Variants in RHBDD1 observed in about 807,000 individuals in gnomAD.
The protein encoded by RHBDD1 is rhomboid domain containing 1.
RHBDD1 carries 38 observed loss-of-function variants against 36.3 expected under a neutral mutation model. The observed-to-expected ratio is 1.05, with a 90% CI of 0.81 to 1.37. The LOEUF (loss-of-function observed/expected upper bound fraction) is 1.37. Ranked by LOEUF, RHBDD1 falls within the 40% of genes most tolerant of loss-of-function variation. The probability of loss-of-function intolerance (pLI) is 0.00; values close to 1 mark genes in which losing one functional copy is unlikely to be tolerated. For missense variants in RHBDD1, 393 were observed against 377.6 expected, an observed-to-expected ratio of 1.04 and a Z score of -0.34; for synonymous variants, 151 against 136.5, an observed-to-expected ratio of 1.11 and a Z score of -0.74.
the RHBDD1 span, among the ~76,000 whole-genome samples, chr2:226,802,046 A>G: frequency 1.6e-4 from 25 of 152,126 alleles, no homozygotes; most frequent in Non-Finnish European, 2.9e-4. Flanking sequence ...AAAAAGCTAA[A>G]TAAAGGTACT....
intron 3 of RHBDD1, among the ~76,000 whole-genome samples, chr2:226,841,065 C>T (rs1362769117): frequency 1.3e-5 from 2 of 152,006 alleles, no homozygotes; most frequent in African/African-American, 2.4e-5. Flanking sequence ...CCCATGTAGT[C>T]GCCCTCATCC....
At position 226,995,632 on chromosome 2, in the gene RHBDD1, G is replaced by A. The variant is rs1959178925; in HGVS notation, c.*110G>A. 1.2e-5 allele frequency: 9 copies of A among 774,640 alleles called. No individual in the cohort carries two copies. Among genetic ancestry groups the A allele is most frequent in the Admixed American group, 1.1e-4 (5 of 45,862 alleles). The allele number at this position is 774,640 out of a possible 1,614,324, so 48.0% of individuals were successfully genotyped here. Reference sequence around the variant, plus strand: ...ATTTTAAACAAAAGCAGAGTACACCGGTATTGCTCCAGATCGCTCACATCA... The same window carrying A: ...ATTTTAAACAAAAGCAGAGTACACCAGTATTGCTCCAGATCGCTCACATCA... On this transcript the variant is annotated 3_prime_UTR_variant, in exon 9 of 9. Transcript: ENST00000392062.
rs139799015 is a variant in RHBDD1, at chr2:226,865,034, T to G, written c.341T>G (p.Leu114Arg). ...TATGTTATCACCGCATTTTCTGTAC[T>G]TACTGGAGTGGTATACCTGCTCTTG... ...FAYVITAFSV[L>R]TGVVYLLLQF... The change falls in exon 4 of 9, where the codon CTT becomes CGT. Residue 114 changes from leucine to arginine, a missense_variant. Coordinates refer to ENST00000392062, the MANE Select transcript of RHBDD1 (RefSeq NM_001167608.3). 3.7e-5 allele frequency: 59 copies of G among 1,614,116 alleles called. No homozygotes were observed. Among genetic ancestry groups the G allele is most frequent in the Non-Finnish European group, 4.7e-5 (56 of 1,180,044 alleles).
At chr2:226,839,388 C>G (rs1373772673) in intron 2 of RHBDD1, 21 bp from the exon 3 acceptor site, 4 of 151,928 alleles carry the variant, frequency 2.6e-5, no homozygotes, top group Admixed American at 6.6e-5. Context: ...AAGCAATGGA[C>G]CTCATATTTT....
At chr2:226,881,236 C>T (rs1187734831) in intron 5 of RHBDD1, among the ~76,000 whole-genome samples, 1 of 152,320 alleles carries the variant, frequency 6.6e-6, no homozygotes, top group Admixed American at 6.5e-5. Context: ...TCTCCCTTGA[C>T]ACTTGGGGAT....
intron 7 of RHBDD1, among the ~76,000 whole-genome samples, chr2:226,911,339 T>C (rs1187572818): frequency 2.6e-5 from 4 of 152,128 alleles, no homozygotes; most frequent in African/African-American, 9.7e-5. Context: ...CCCAATATAC[T>C]TTTTGTATTC....
At chr2:226,923,451 T>A (rs973674972) in intron 8 of RHBDD1, among the ~76,000 whole-genome samples, 1 of 152,172 alleles carries the variant, frequency 6.6e-6, no homozygotes, top group Non-Finnish European at 1.5e-5. Flanking sequence ...TATCCTTTCT[T>A]TTTCCTTGAC....
At chr2:226,873,779 A>G (rs930268545) in intron 5 of RHBDD1, among the ~76,000 whole-genome samples, 2 of 152,176 alleles carry the variant, frequency 1.3e-5, no homozygotes, top group Non-Finnish European at 2.9e-5. Context: ...CTATGATGGT[A>G]TGAAATTGAG....
chr2:226,825,985 C>T, the RHBDD1 span, among the ~76,000 whole-genome samples: 507 of 152,236 alleles, frequency 3.3e-3, 5 homozygotes, highest in African/African-American at 0.012. Context: ...AATGGATTAT[C>T]GTTTTTAGCT....
At chr2:226,888,697 T>C (rs1263846640) in intron 5 of RHBDD1, among the ~76,000 whole-genome samples, 1 of 152,236 alleles carries the variant, frequency 6.6e-6, no homozygotes, top group East Asian at 1.9e-4. Flanking sequence ...TGTACATTTC[T>C]TTCTTTGCCA....
Position 226,854,601 on chromosome 2 carries a change from G to GAAAA in RHBDD1, c.-90-9988_-90-9985dup, listed in dbSNP as rs34985443. Reference sequence around the variant, plus strand: ...GGGTGACAGAGCCAGACTCTGTTTCGAAAAAAAAAAAAAAAAAAGGCGCTT... The same window carrying GAAAA: ...GGGTGACAGAGCCAGACTCTGTTTCGAAAAAAAAAAAAAAAAAAAAAAGGCGCTT... On this transcript the variant is annotated intron_variant, in intron 3 of 8. Transcript: ENST00000392062. 2.9e-3 allele frequency among the ~76,000 whole-genome samples: 240 copies of GAAAA among 83,644 alleles called. 9 individuals are homozygous for GAAAA. The highest frequency in any genetic ancestry group is 8.1e-3 in the African/African-American group (201 of 24,728). The allele number at this position is 83,644 out of a possible 152,430, so 54.9% of individuals were successfully genotyped here.
chr2:226,982,156 G>C (rs535992456), intron 8 of RHBDD1, among the ~76,000 whole-genome samples: 2 of 152,366 alleles, frequency 1.3e-5, no homozygotes, highest in East Asian at 3.9e-4. Flanking sequence ...GGGCTGGGAG[G>C]TTCCCAGTGA....
intron 8 of RHBDD1, among the ~76,000 whole-genome samples, chr2:226,952,454 C>T (rs548497013): frequency 4.6e-5 from 7 of 152,142 alleles, no homozygotes; most frequent in African/African-American, 7.2e-5. Context: ...CATGCCACCA[C>T]GCCCAGCTAA....
intron 8 of RHBDD1, among the ~76,000 whole-genome samples, chr2:226,962,776 ATTTTAATGCC>A (rs1370966586): frequency 2.0e-5 from 3 of 152,204 alleles, no homozygotes; most frequent in Non-Finnish European, 4.4e-5. Context: ...GTTTCTACCT[ATTTTAATGCC>A]TTTTCTGAAA....
In RHBDD1 at chr2:226,869,148, C is replaced by T. The variant is rs1944575644; in HGVS notation, c.566+1830C>T. On this transcript the variant is annotated intron_variant, in intron 5 of 8. Transcript: ENST00000392062. ...TATGCATTTCATTTTTTAGGGTTCCCCCCAACTTACATGGAAAAGGGATGG... is the reference window on the plus strand; with the variant it reads ...TATGCATTTCATTTTTTAGGGTTCCTCCCAACTTACATGGAAAAGGGATGG... The T allele has an allele frequency of 1.3e-5, 13 of 984,566 alleles. No homozygotes were observed. In the Admixed American group the frequency reaches 6.8e-4, roughly 51 times the overall value. 61.0% of individuals were successfully genotyped at this position (984,566 alleles called of 1,614,324 possible). A position where few individuals can be genotyped will look rare whatever the true frequency, so the allele number is the denominator to read the frequency against.
intron 3 of RHBDD1, among the ~76,000 whole-genome samples, chr2:226,859,882 A>G (rs1943687768): frequency 6.6e-6 from 1 of 152,222 alleles, no homozygotes; most frequent in Non-Finnish European, 1.5e-5. Flanking sequence ...GCAGTGGTGG[A>G]AAATAGTTAG....
At chr2:226,833,712 A>G (rs764125626), upstream of RHBDD1, among the ~76,000 whole-genome samples, 16 of 152,222 alleles carry the variant, frequency 1.1e-4, no homozygotes, top group Non-Finnish European at 2.1e-4. Flanking sequence ...GTGATTACGT[A>G]TATTTTAAGT....
At chr2:226,867,375 A>G in intron 5 of RHBDD1, 57 bp downstream of exon 5, 1 of 1,540,156 alleles carries the variant, frequency 6.5e-7, no homozygotes, top group Admixed American at 2.1e-5. Context: ...GTGGAGAAAA[A>G]AATTGCAATA....
At chr2:226,972,120 TC>T (rs1442313431) in intron 8 of RHBDD1, among the ~76,000 whole-genome samples, 1 of 152,142 alleles carries the variant, frequency 6.6e-6, no homozygotes, top group Non-Finnish European at 1.5e-5. Context: ...GCTGTTCCAC[TC>T]CCTGTATCCA....
Sources: allele counts gnomAD v4.1 joint callset (sites outside exome capture counted in the v4.1 genomes callset), GRCh38; gene constraint gnomAD v4.1.1; transcripts MANE v1.5; gene names NCBI Gene and HGNC (gene_info 2026-07-23, HGNC 2026-07-21).